IL1RAPL2: variants seen among roughly 807,000 people sequenced by gnomAD.
IL1RAPL2 encodes the protein X-linked interleukin-1 receptor accessory protein-like 2.
IL1RAPL2 carries 3 observed loss-of-function variants against 44.1 expected under a neutral mutation model. The ratio of observed to expected loss-of-function variants is 0.07; its 90% CI spans 0.03 to 0.18. The LOEUF is 0.18. Among genes scored for constraint, IL1RAPL2 ranks in the 10% least tolerant of loss-of-function variants. IL1RAPL2 has a pLI of 1.00. For missense variants in IL1RAPL2, 391 were observed against 496.4 expected (o/e 0.79, Z 2.02); for synonymous variants, 181 against 178.8 (o/e 1.01, Z -0.10).
intron 6 of IL1RAPL2, among the ~76,000 whole-genome samples, chrX:105,651,419 T>TTTA (rs1249583217): frequency 1.8e-5 from 2 of 111,900 alleles, no homozygotes; most frequent in Non-Finnish European, 3.8e-5. Context: ...TCTGGGCTGT[T>TTTA]TTACATTTTG....
chrX:104,881,403 T>G (rs1923066873), intron 2 of IL1RAPL2, among the ~76,000 whole-genome samples: 1 of 112,124 alleles, frequency 8.9e-6, no homozygotes, highest in South Asian at 3.6e-4. Flanking sequence ...ATGATTTATA[T>G]GCTTTCTAAT....
chrX:104,921,268 C>T (rs1448905777), intron 2 of IL1RAPL2, among the ~76,000 whole-genome samples: 2 of 103,321 alleles, frequency 1.9e-5, no homozygotes, highest in South Asian at 4.9e-4. Context: ...TTGCATCCTG[C>T]CCTAAGTTGT....
intron 2 of IL1RAPL2, among the ~76,000 whole-genome samples, chrX:104,899,292 A>G (rs1251282970): frequency 8.9e-6 from 1 of 112,176 alleles, no homozygotes; most frequent in African/African-American, 3.2e-5. Context: ...GCTCCTGAAT[A>G]TATTTTCCTA....
In IL1RAPL2 at chrX:104,570,565, G is replaced by A. The variant is rs755072109; in HGVS notation, c.-20+3514G>A. On this transcript the variant is annotated intron_variant, in intron 1 of 10. Transcript: ENST00000372582. Reference sequence around the variant, plus strand: ...CTAATGTAAGGCCTGATGCAAGGATGTAACACATGGATACATCTGGCCAAA... The same window carrying A: ...CTAATGTAAGGCCTGATGCAAGGATATAACACATGGATACATCTGGCCAAA... 1.1e-4 allele frequency among the ~76,000 whole-genome samples: 12 copies of A among 111,706 alleles called. No individual in the cohort carries two copies. The South Asian group carries it at 4.5e-3, about 42-fold the overall frequency.
chrX:104,886,037 G>T lies in IL1RAPL2; in HGVS notation c.82+227042G>T, dbSNP rs1923233533. On this transcript the variant is annotated intron_variant, in intron 2 of 10. Coordinates refer to ENST00000372582, the MANE Select transcript of IL1RAPL2 (RefSeq NM_017416.2). ...AGGGCCAGGAAATTGACTTCCTCCT[G>T]GACACTGGCACAGCCTTCTCAGTGT... 3.5e-5 allele frequency among the ~76,000 whole-genome samples: 4 copies of T among 112,702 alleles called. No homozygotes were observed. In the Admixed American group the frequency reaches 3.7e-4, roughly 11 times the overall value.
chrX:104,761,650 G>A (rs906606228), intron 2 of IL1RAPL2, among the ~76,000 whole-genome samples: 3 of 111,833 alleles, frequency 2.7e-5, no homozygotes, highest in African/African-American at 9.8e-5. Context: ...CTATGAGCCT[G>A]TAAAATCAAA....
In IL1RAPL2 at chrX:105,381,865, G is replaced by A. The variant is rs776943552; in HGVS notation, c.698-102448G>A. ...ACAAACCTGACAAAAACAAGAAATG[G>A]GGAAAGGATTCCCTATTTAATAAAT... On this transcript the variant is annotated intron_variant, in intron 5 of 10. Coordinates refer to ENST00000372582, the MANE Select transcript of IL1RAPL2 (RefSeq NM_017416.2). 4.0e-3 allele frequency among the ~76,000 whole-genome samples: 452 copies of A among 111,771 alleles called. 3 individuals are homozygous for A. Among genetic ancestry groups the A allele is most frequent in the African/African-American group, 0.014 (434 of 30,759 alleles).
chrX:105,277,941 C>G (rs2034499187), intron 5 of IL1RAPL2, among the ~76,000 whole-genome samples: 1 of 110,961 alleles, frequency 9.0e-6, no homozygotes, highest in African/African-American at 3.3e-5. Context: ...CCCTTATTTC[C>G]TTCATTCTGC....
At chrX:104,631,835 CTTTAG>C (rs1929657244) in intron 1 of IL1RAPL2, among the ~76,000 whole-genome samples, 1 of 110,038 alleles carries the variant, frequency 9.1e-6, no homozygotes, top group African/African-American at 3.3e-5. Flanking sequence ...TGCAGAAGCT[CTTTAG>C]TTTAATTAGA....
chrX:105,566,212 AAAAG>A (rs1240483276), intron 6 of IL1RAPL2, among the ~76,000 whole-genome samples: 1 of 111,241 alleles, frequency 9.0e-6, no homozygotes, highest in Non-Finnish European at 1.9e-5. Context: ...GAGAGAGAGA[AAAAG>A]AGAGAGAGAA....
chrX:105,212,489 T>C (rs2033816292), intron 3 of IL1RAPL2, among the ~76,000 whole-genome samples: 1 of 111,396 alleles, frequency 9.0e-6, no homozygotes, highest in Non-Finnish European at 1.9e-5. Context: ...AACCCCCATC[T>C]CCCTGGGACA....
intron 6 of IL1RAPL2, among the ~76,000 whole-genome samples, chrX:105,557,343 G>T (rs1391007654): frequency 4.5e-5 from 5 of 111,495 alleles, no homozygotes; most frequent in Non-Finnish European, 9.5e-5. Context: ...GTAACTTTTT[G>T]TGTGTGTGTG....
intron 2 of IL1RAPL2, among the ~76,000 whole-genome samples, chrX:104,942,323 T>G (rs1161980073): frequency 1.8e-5 from 2 of 112,319 alleles, no homozygotes; most frequent in African/African-American, 6.5e-5. Flanking sequence ...TGATTCTTCC[T>G]ATCCATGAGC....
chrX:105,025,347 G>A (rs1370730069), intron 2 of IL1RAPL2, among the ~76,000 whole-genome samples: 3 of 111,277 alleles, frequency 2.7e-5, no homozygotes, highest in Non-Finnish European at 5.7e-5. Context: ...AAACAGAATT[G>A]AAGTTGAAAC....
At chrX:104,804,649 G>A (rs1213489465) in intron 2 of IL1RAPL2, among the ~76,000 whole-genome samples, 3 of 112,213 alleles carry the variant, frequency 2.7e-5, no homozygotes, top group African/African-American at 9.7e-5. Context: ...ACATAATCAG[G>A]AGGAGACAGT....
chrX:105,748,810 C>A, intron 8 of IL1RAPL2, 150 bp from the exon 9 acceptor site: 1 of 440,254 alleles, frequency 2.3e-6, no homozygotes, highest in Non-Finnish European at 3.8e-6. Context: ...TTGATTCATA[C>A]AAATGTATCA....
chrX:105,588,212 A>G (rs1030009829), intron 6 of IL1RAPL2, among the ~76,000 whole-genome samples: 1 of 110,672 alleles, frequency 9.0e-6, no homozygotes, highest in African/African-American at 3.3e-5. Flanking sequence ...GTATTGTACT[A>G]TAGTTTCTGC....
At chrX:104,929,395 T>G (rs760086154) in intron 2 of IL1RAPL2, among the ~76,000 whole-genome samples, 12 of 111,834 alleles carry the variant, frequency 1.1e-4, no homozygotes, top group Non-Finnish European at 2.3e-4. Flanking sequence ...CTCACATTTG[T>G]GTTCCAAATC....
intron 2 of IL1RAPL2, among the ~76,000 whole-genome samples, chrX:105,015,432 T>G (rs1322722701): frequency 8.9e-6 from 1 of 111,915 alleles, no homozygotes; most frequent in African/African-American, 3.3e-5. Context: ...TCTTCTAGGG[T>G]TTTTATGGTT....
Sources: gnomAD v4.1 joint callset for allele counts (sites outside exome capture counted in the v4.1 genomes callset) on GRCh38, gnomAD v4.1.1 for gene constraint, MANE v1.5 for transcripts, NCBI Gene and HGNC (gene_info 2026-07-23, HGNC 2026-07-21) for gene names.